DACH1: variants seen among roughly 807,000 people sequenced by gnomAD.
DACH1 encodes dachshund family transcription factor 1, also known as dachshund homolog 1.
In DACH1, 12 loss-of-function variants were observed where a neutral mutation model predicts 54.2. The ratio of observed to expected loss-of-function variants is 0.22; its 90% CI spans 0.14 to 0.36. The LOEUF (loss-of-function observed/expected upper bound fraction) is 0.36, where lower values mean the gene tolerates loss of function less well. Ranked by LOEUF, DACH1 falls within the 10% of genes least tolerant of loss-of-function variation. The pLI is 1.00. For missense variants in DACH1, 805 were observed against 929.8 expected, an observed-to-expected ratio of 0.87 and a Z score of 1.75; for synonymous variants, 386 against 366.2, an observed-to-expected ratio of 1.05 and a Z score of -0.62.
Position 71,471,751 on chromosome 13 carries a change from C to CA in DACH1, c.2083+3389dup, listed in dbSNP as rs200245391. 1.3e-3 allele frequency among the ~76,000 whole-genome samples: 170 copies of CA among 131,492 alleles called. 1 individual carries two copies. In the East Asian group the frequency reaches 0.022, roughly 17 times the overall value. 86.3% of individuals were successfully genotyped at this position (131,492 alleles called of 152,430 possible). The stretch of plus-strand genomic sequence containing the variant: ...TGGGCAACAGAGTGAGACTCTGTCT[C>CA]AAAAAAAAAAGAAAAGAAAAAGAAA... On this transcript the variant is annotated intron_variant, in intron 10 of 10. Transcript: ENST00000613252.
At chr13:71,579,561 T>C (rs7321975) in intron 3 of DACH1, among the ~76,000 whole-genome samples, 19,402 of 152,062 alleles carry the variant, frequency 0.13, 2,840 homozygotes, top group African/African-American at 0.36. Context: ...TGGATAATTA[T>C]GAAAAACAAA....
At chr13:71,797,926 A>G (rs1216397535) in intron 1 of DACH1, among the ~76,000 whole-genome samples, 1 of 152,058 alleles carries the variant, frequency 6.6e-6, no homozygotes, top group Non-Finnish European at 1.5e-5. Flanking sequence ...CTTCTGTGCA[A>G]CTTCATGGTA....
At chr13:71,718,727 T>C (rs1883099044) in intron 1 of DACH1, among the ~76,000 whole-genome samples, 1 of 152,126 alleles carries the variant, frequency 6.6e-6, no homozygotes, top group African/African-American at 2.4e-5. Context: ...TGCTGAGGCC[T>C]CTTTCTCTTC....
chr13:71,742,298 T>A (rs1261643390), intron 1 of DACH1, among the ~76,000 whole-genome samples: 1 of 152,182 alleles, frequency 6.6e-6, no homozygotes. Context: ...CCCCACAGAT[T>A]AGTTGGAACC....
intron 10 of DACH1, among the ~76,000 whole-genome samples, chr13:71,468,354 T>C (rs1168078869): frequency 1.3e-5 from 2 of 152,146 alleles, no homozygotes; most frequent in African/African-American, 2.4e-5. Context: ...CAATGACCTT[T>C]TGAGGTTAAG....
chr13:71,523,410 G>A (rs984056280), intron 6 of DACH1, among the ~76,000 whole-genome samples: 2 of 152,074 alleles, frequency 1.3e-5, no homozygotes, highest in South Asian at 2.1e-4. Flanking sequence ...CAACAAAAAT[G>A]ACTTAAAGGA....
At chr13:71,681,492 T>C (rs928178718) in intron 2 of DACH1, among the ~76,000 whole-genome samples, 2 of 152,230 alleles carry the variant, frequency 1.3e-5, no homozygotes, top group African/African-American at 4.8e-5. Flanking sequence ...AGTCACTGAT[T>C]TTCTCTGAAC....
At chr13:71,485,288 T>C (rs1337826472) in intron 7 of DACH1, among the ~76,000 whole-genome samples, 1 of 151,482 alleles carries the variant, frequency 6.6e-6, no homozygotes, top group African/African-American at 2.4e-5. Context: ...AAAGCAATTC[T>C]AAAAATCAAA....
intron 2 of DACH1, among the ~76,000 whole-genome samples, chr13:71,633,641 G>A (rs772913458): frequency 6.6e-6 from 1 of 151,818 alleles, no homozygotes; most frequent in Admixed American, 6.6e-5. Flanking sequence ...TTTACATGCT[G>A]TAACTTAACT....
At chr13:71,700,583 AAAGAGAGAG>A (rs1428422907) in intron 1 of DACH1, among the ~76,000 whole-genome samples, 3 of 78,618 alleles carry the variant, frequency 3.8e-5, no homozygotes, top group African/African-American at 7.8e-5. Flanking sequence ...AAAAAAAAAA[AAAGAGAGAG>A]AGAGAGAGAG....
chr13:71,818,736 G>T (rs952119545), intron 1 of DACH1, among the ~76,000 whole-genome samples: 2 of 152,218 alleles, frequency 1.3e-5, no homozygotes, highest in South Asian at 4.1e-4. Flanking sequence ...AAACAAAAAG[G>T]TAAAGTAAAT....
At chr13:71,756,802 A>G (rs112573111) in intron 1 of DACH1, among the ~76,000 whole-genome samples, 548 of 152,302 alleles carry the variant, frequency 3.6e-3, no homozygotes, top group African/African-American at 0.013. Context: ...AGGAAAAATC[A>G]TAACTCTCAG....
At chr13:71,669,586 G>GA (rs1264057635) in intron 2 of DACH1, among the ~76,000 whole-genome samples, 2 of 152,126 alleles carry the variant, frequency 1.3e-5, no homozygotes, top group Non-Finnish European at 2.9e-5. Flanking sequence ...CCCATCAGTG[G>GA]AAAAAATGTC....
chr13:71,860,192 A>G (rs1243566737), intron 1 of DACH1, among the ~76,000 whole-genome samples: 2 of 151,144 alleles, frequency 1.3e-5, no homozygotes, highest in Non-Finnish European at 3.0e-5. Flanking sequence ...TATACTACAT[A>G]TAATATGTAG....
intron 1 of DACH1, among the ~76,000 whole-genome samples, chr13:71,689,196 A>G (rs1881345173): frequency 6.6e-6 from 1 of 152,234 alleles, no homozygotes; most frequent in African/African-American, 2.4e-5. Flanking sequence ...AGGGCACATG[A>G]GAATTATTCC....
intron 3 of DACH1, among the ~76,000 whole-genome samples, chr13:71,610,433 T>A (rs1200962040): frequency 6.6e-6 from 1 of 152,172 alleles, no homozygotes; most frequent in Non-Finnish European, 1.5e-5. Flanking sequence ...CTAGTTTTTG[T>A]TTTGTTTTGT....
chr13:71,573,173 T>C (rs1477271707), intron 3 of DACH1, among the ~76,000 whole-genome samples, 161 bp from the exon 4 acceptor site: 1 of 152,194 alleles, frequency 6.6e-6, no homozygotes, highest in Admixed American at 6.5e-5. Flanking sequence ...GGCTTACAGC[T>C]ATCTGGTTTG....
chr13:71,853,528 T>G (rs1467030473), intron 1 of DACH1, among the ~76,000 whole-genome samples: 2 of 152,192 alleles, frequency 1.3e-5, no homozygotes, highest in African/African-American at 4.8e-5. Flanking sequence ...CACATGACAC[T>G]GTTTATTATT....
intron 1 of DACH1, among the ~76,000 whole-genome samples, chr13:71,817,536 T>A (rs7335434): frequency 9.9e-5 from 15 of 151,996 alleles, no homozygotes; most frequent in African/African-American, 3.6e-4. Flanking sequence ...TCGCAACAGC[T>A]AGTCACATGT....
Sources: gnomAD v4.1 joint callset for allele counts (sites outside exome capture counted in the v4.1 genomes callset) on GRCh38, gnomAD v4.1.1 for gene constraint, MANE v1.5 for transcripts, NCBI Gene and HGNC (gene_info 2026-07-23, HGNC 2026-07-21) for gene names.